The following CADM2 variants were observed in gnomAD, a reference collection of about 807,000 sequenced individuals.
CADM2 encodes immunoglobulin superfamily member 4D.
Under a neutral mutation model 49.8 loss-of-function variants are expected in CADM2, and 12 were observed. The observed-to-expected ratio is 0.24, with a 90% CI of 0.15 to 0.39. CADM2 has a LOEUF of 0.39. Among genes scored for constraint, CADM2 ranks in the 10% least tolerant of loss-of-function variants. The probability of loss-of-function intolerance (pLI) is 1.00; values close to 1 mark genes in which losing one functional copy is unlikely to be tolerated. For missense variants in CADM2, 378 were observed against 492.3 expected (o/e 0.77, Z 2.20); for synonymous variants, 214 against 175.4 (o/e 1.22, Z -1.74).
At chr3:85,877,460 C>T (rs1429007225) in intron 3 of CADM2, among the ~76,000 whole-genome samples, 1 of 151,910 alleles carries the variant, frequency 6.6e-6, no homozygotes, top group Middle Eastern at 3.2e-3. Flanking sequence ...TATTTGGGAC[C>T]TGCTACATAG....
chr3:85,689,814 A>T (rs916843006), intron 1 of CADM2, among the ~76,000 whole-genome samples: 1 of 152,222 alleles, frequency 6.6e-6, no homozygotes, highest in Non-Finnish European at 1.5e-5. Context: ...TGTGGAGAAT[A>T]TGAAGATAAA....
intron 1 of CADM2, among the ~76,000 whole-genome samples, chr3:85,232,134 ATATTATTAT>A (rs10575918): frequency 0.096 from 14,015 of 146,330 alleles, 2,146 homozygotes; most frequent in African/African-American, 0.33. Flanking sequence ...CGATTTGAAG[ATATTATTAT>A]TATTATTATT....
intron 1 of CADM2, among the ~76,000 whole-genome samples, chr3:85,399,193 C>A (rs1266279173): frequency 1.3e-5 from 2 of 152,188 alleles, no homozygotes; most frequent in Non-Finnish European, 2.9e-5. Context: ...GATCCACTTT[C>A]AGCTTTCTAC....
intron 1 of CADM2, among the ~76,000 whole-genome samples, chr3:85,307,349 AT>A (rs1186697280): frequency 1.3e-5 from 2 of 151,716 alleles, no homozygotes; most frequent in Admixed American, 1.3e-4. Context: ...AAGAGCTGTT[AT>A]ACTTGGCCTG....
intron 3 of CADM2, among the ~76,000 whole-genome samples, chr3:85,815,129 G>C (rs1448033604): frequency 6.6e-6 from 1 of 152,020 alleles, no homozygotes; most frequent in Non-Finnish European, 1.5e-5. Context: ...AAAAAGTCCA[G>C]AACCAGACGG....
intron 8 of CADM2, among the ~76,000 whole-genome samples, chr3:86,000,043 C>T (rs1729972800): frequency 6.6e-6 from 1 of 152,134 alleles, no homozygotes; most frequent in African/African-American, 2.4e-5. Context: ...TTCAAGATGT[C>T]ATGGAATTCC....
chr3:85,358,501 C>CA (rs1157448298), intron 1 of CADM2, among the ~76,000 whole-genome samples: 1 of 151,968 alleles, frequency 6.6e-6, no homozygotes, highest in Non-Finnish European at 1.5e-5. Flanking sequence ...TCCAAGAATT[C>CA]AATTGGTGGG....
rs1178535221 is a variant in CADM2 at position 85,309,502 on chromosome 3, A to T, written c.61+349834A>T. On this transcript the variant is annotated intron_variant, in intron 1 of 9. Coordinates refer to ENST00000383699, the MANE Select transcript of CADM2 (RefSeq NM_001167675.2). ...ACCTACTTCATGAGATTGCTGGGAT[A>T]TTCAGTGAGTCATGCAAGTTAATTA... Among the ~76,000 whole-genome samples the T allele has an allele frequency of 3.3e-5, 5 of 152,138 alleles. No individual in the cohort carries two copies. The East Asian group carries it at 9.6e-4, about 29-fold the overall frequency.
intron 1 of CADM2, among the ~76,000 whole-genome samples, chr3:85,064,331 A>T (rs74925164): frequency 0.015 from 2,329 of 152,180 alleles, 58 homozygotes; most frequent in African/African-American, 0.052. Context: ...CATTTACATG[A>T]TTCTCCCATA....
At chr3:85,806,409 G>C (rs1262311633) in intron 3 of CADM2, among the ~76,000 whole-genome samples, 1 of 152,110 alleles carries the variant, frequency 6.6e-6, no homozygotes, top group African/African-American at 2.4e-5. Flanking sequence ...GGAGGTGTAA[G>C]TTTCCAAGGG....
chr3:85,455,125 C>T (rs376946540), intron 1 of CADM2, among the ~76,000 whole-genome samples: 1 of 152,002 alleles, frequency 6.6e-6, no homozygotes, highest in African/African-American at 2.4e-5. Context: ...GTATGCTTCC[C>T]AAAAAGGAAT....
intron 2 of CADM2, among the ~76,000 whole-genome samples, chr3:85,753,835 G>T (rs2068977137): frequency 6.6e-6 from 1 of 152,116 alleles, no homozygotes. Context: ...TCAAGGGAGG[G>T]GCAAAAGGCA....
chr3:85,490,508 C>A (rs2039627547), intron 1 of CADM2, among the ~76,000 whole-genome samples: 1 of 152,012 alleles, frequency 6.6e-6, no homozygotes, highest in Non-Finnish European at 1.5e-5. Context: ...TGCTTAAGTC[C>A]ATGAGCTTGA....
intron 5 of CADM2, among the ~76,000 whole-genome samples, chr3:85,901,179 G>A (rs1052460102): frequency 6.5e-4 from 99 of 151,766 alleles, no homozygotes; most frequent in African/African-American, 2.4e-3. Flanking sequence ...GGGTGACAAG[G>A]GCAAAACTCC....
At chr3:85,964,821 A>T (rs1725277744) in intron 8 of CADM2, among the ~76,000 whole-genome samples, 1 of 151,780 alleles carries the variant, frequency 6.6e-6, no homozygotes, top group Non-Finnish European at 1.5e-5. Context: ...TAATTATACT[A>T]ATTAATTCCT....
At chr3:85,957,747 G>C (rs1406592049) in intron 7 of CADM2, among the ~76,000 whole-genome samples, 1 of 151,702 alleles carries the variant, frequency 6.6e-6, no homozygotes, top group Non-Finnish European at 1.5e-5. Flanking sequence ...TTCCTTCTTG[G>C]GTGTTGTTAA....
At chr3:85,240,537 A>G (rs2042508086) in intron 1 of CADM2, among the ~76,000 whole-genome samples, 1 of 151,544 alleles carries the variant, frequency 6.6e-6, no homozygotes, top group Admixed American at 6.6e-5. Flanking sequence ...GATTAACATG[A>G]CAAAATGAAT....
At chr3:85,930,845 A>T (rs1422732854) in intron 6 of CADM2, among the ~76,000 whole-genome samples, 2 of 151,316 alleles carry the variant, frequency 1.3e-5, no homozygotes. Context: ...ACTAAGATTA[A>T]AAGTTAATCT....
At chr3:85,209,337 A>C (rs975945351) in intron 1 of CADM2, among the ~76,000 whole-genome samples, 1 of 152,118 alleles carries the variant, frequency 6.6e-6, no homozygotes, top group African/African-American at 2.4e-5. Flanking sequence ...TACTTTTCCC[A>C]GTAAAAGTCT....
Sources: allele counts gnomAD v4.1 joint callset (sites outside exome capture counted in the v4.1 genomes callset), GRCh38; gene constraint gnomAD v4.1.1; transcripts MANE v1.5; gene names NCBI Gene and HGNC (gene_info 2026-07-23, HGNC 2026-07-21).